The following GRM5 variants were observed in gnomAD, a reference collection of about 807,000 sequenced individuals.
GRM5 encodes the protein glutamate metabotropic receptor 5, also known as metabotropic glutamate receptor 5.
In GRM5, 19 loss-of-function variants were observed where a neutral mutation model predicts 83.1. The ratio of observed to expected loss-of-function variants is 0.23; its 90% CI spans 0.16 to 0.34. The LOEUF is 0.34. GRM5 is among the 10% of genes least tolerant of loss of function. GRM5 has a pLI of 1.00. For missense variants in GRM5, 1,160 were observed against 1,588.3 expected (o/e 0.73, Z 4.58); for synonymous variants, 675 against 633.6 (o/e 1.07, Z -0.98).
intron 8 of GRM5, among the ~76,000 whole-genome samples, chr11:88,543,707 C>T (rs1289189737): frequency 3.4e-5 from 5 of 147,842 alleles, no homozygotes; most frequent in African/African-American, 1.3e-4. Flanking sequence ...CACAAAGGAT[C>T]GAGTTATCTA....
chr11:88,859,431 C>T (rs180934979), intron 2 of GRM5, among the ~76,000 whole-genome samples: 1,785 of 152,080 alleles, frequency 0.012, 67 homozygotes, highest in Admixed American at 0.074. Flanking sequence ...TATCTAGATC[C>T]TGTAAAATTA....
At chr11:88,854,948 CTG>C (rs1484023499) in intron 2 of GRM5, among the ~76,000 whole-genome samples, 2 of 151,818 alleles carry the variant, frequency 1.3e-5, no homozygotes, top group Non-Finnish European at 2.9e-5. Flanking sequence ...TCATTAACAA[CTG>C]TGTTACATTG....
At chr11:88,612,176 T>C (rs1938338461) in intron 4 of GRM5, among the ~76,000 whole-genome samples, 1 of 142,018 alleles carries the variant, frequency 7.0e-6, no homozygotes, top group African/African-American at 2.6e-5. Context: ...GTCCATGTGA[T>C]CTCTTTGTTC....
At chr11:88,521,142 G>T (rs1051793494) in intron 9 of GRM5, among the ~76,000 whole-genome samples, 3 of 152,152 alleles carry the variant, frequency 2.0e-5, no homozygotes, top group Non-Finnish European at 4.4e-5. Flanking sequence ...TTCCAGCCAG[G>T]AGTGGTGGCT....
chr11:88,515,631 A>G (rs1941500238), intron 9 of GRM5, among the ~76,000 whole-genome samples: 1 of 152,170 alleles, frequency 6.6e-6, no homozygotes, highest in Non-Finnish European at 1.5e-5. Context: ...ATCTCACTAA[A>G]CTACTCTTCA....
At position 88,932,656 on chromosome 11, in the gene GRM5, G is replaced by C. The variant is rs556487221; in HGVS notation, c.662-82501C>G. Among the ~76,000 whole-genome samples, 53 of 152,030 alleles carry C rather than the reference G, an allele frequency of 3.5e-4. 1 individual carries two copies. The South Asian group carries it at 1.0e-2, about 29-fold the overall frequency. On this transcript the variant is annotated intron_variant, in intron 2 of 9. Coordinates refer to ENST00000305447, the MANE Select transcript of GRM5 (RefSeq NM_001143831.3). ...CTATATATGTAACAACTTATTAAGA[G>C]TTGTCATATTTAGGACATGATATTT...
intron 3 of GRM5, among the ~76,000 whole-genome samples, chr11:88,724,449 T>C (rs796639764): frequency 2.0e-5 from 3 of 152,268 alleles, no homozygotes; most frequent in African/African-American, 7.2e-5. Context: ...GTTCTTAACT[T>C]GATATTTATC....
At position 88,507,512 on chromosome 11, in the gene GRM5, C is replaced by T. The variant is rs531167160; in HGVS notation, c.*1080G>A. 6.6e-6 allele frequency: 1 copy of T among 152,328 alleles called. No individual in the cohort carries two copies. Among genetic ancestry groups the T allele is most frequent in the Admixed American group, 6.5e-5 (1 of 15,298 alleles). The allele number at this position is 152,328 out of a possible 1,614,324, so 9.4% of individuals were successfully genotyped here. ...ACAGTCTCTCAAATCATGACAATGT[C>T]TTCATGGGGTCTATGGACCACTCTT... On this transcript the variant is annotated 3_prime_UTR_variant, in exon 10 of 10. Coordinates refer to ENST00000305447, the MANE Select transcript of GRM5 (RefSeq NM_001143831.3).
At position 88,535,953 on chromosome 11, in the gene GRM5, T is replaced by C. The variant is rs376385465; in HGVS notation, c.2631-10549A>G. Among the ~76,000 whole-genome samples the C allele has an allele frequency of 8.8e-4, 134 of 152,324 alleles. 1 individual carries two copies. The Middle Eastern group carries it at 0.024, about 27-fold the overall frequency. On this transcript the variant is annotated intron_variant, in intron 8 of 9. Transcript: ENST00000305447. ...AAGGAGCAAAAAAGAGAGAGATCGA[T>C]TGGGTAAAACAAAGTATTATTTTCT...
intron 3 of GRM5, among the ~76,000 whole-genome samples, chr11:88,686,762 T>C (rs536338789): frequency 6.6e-6 from 1 of 152,294 alleles, no homozygotes; most frequent in East Asian, 1.9e-4. Context: ...GTGGCTGCCA[T>C]GTAAGAAGTG....
intron 8 of GRM5, among the ~76,000 whole-genome samples, chr11:88,550,658 T>TG (rs138403328): frequency 4.0e-5 from 6 of 151,520 alleles, no homozygotes; most frequent in Non-Finnish European, 5.9e-5. Flanking sequence ...GATAAGGGAG[T>TG]GGGGGGGATA....
At chr11:88,837,347 GTC>G (rs1417012909) in intron 3 of GRM5, among the ~76,000 whole-genome samples, 4 of 152,086 alleles carry the variant, frequency 2.6e-5, no homozygotes, top group African/African-American at 9.7e-5. Flanking sequence ...CAAATTAGTT[GTC>G]TCTCTGTGTC....
chr11:88,605,445 G>T lies in GRM5; in HGVS notation c.1148-481C>A, dbSNP rs147159697. On this transcript the variant is annotated intron_variant, in intron 4 of 9. Coordinates refer to ENST00000305447, the MANE Select transcript of GRM5 (RefSeq NM_001143831.3). ...CCTATTTAGATTTATCACCCAGTAC[G>T]TCTAATCTCAAAGCATATGCTCTCT... Among the ~76,000 whole-genome samples the T allele has an allele frequency of 1.2e-3, 175 of 150,728 alleles. 1 individual carries two copies. The Middle Eastern group carries it at 0.014, about 12-fold the overall frequency.
intron 2 of GRM5, among the ~76,000 whole-genome samples, chr11:88,851,727 A>G (rs979242995): frequency 1.3e-5 from 2 of 152,168 alleles, no homozygotes; most frequent in African/African-American, 4.8e-5. Flanking sequence ...ATTTTGGTGA[A>G]GTTTTATCTC....
chr11:88,840,490 C>A (rs76636022), intron 3 of GRM5, among the ~76,000 whole-genome samples: 1,890 of 151,902 alleles, frequency 0.012, 42 homozygotes, highest in African/African-American at 0.043. Flanking sequence ...TTTTTTTTCC[C>A]ATACCCATGA....
intron 2 of GRM5, among the ~76,000 whole-genome samples, chr11:88,920,907 G>A (rs1039544906): frequency 7.9e-5 from 12 of 152,102 alleles, no homozygotes; most frequent in African/African-American, 2.9e-4. Context: ...CAGGAAAAGT[G>A]CTACATAAGT....
rs373941697 is a variant in GRM5, at chr11:88,996,678, T to C, written c.661+50534A>G. Among the ~76,000 whole-genome samples the C allele has an allele frequency of 4.0e-4, 61 of 152,328 alleles. No individual in the cohort carries two copies. In the South Asian group the frequency reaches 0.012, roughly 31 times the overall value. ...TCTAGTAAAACATCTAATTGGCATT[T>C]ATAGAACATTCCATCCAAGAGAAGA... On this transcript the variant is annotated intron_variant, in intron 2 of 9. Coordinates refer to ENST00000305447, the MANE Select transcript of GRM5 (RefSeq NM_001143831.3).
intron 2 of GRM5, among the ~76,000 whole-genome samples, chr11:88,976,576 T>G (rs867771270): frequency 6.6e-6 from 1 of 152,156 alleles, no homozygotes. Context: ...ATAATTGCTG[T>G]TATTATGTAA....
At chr11:88,861,071 A>G (rs2135550950) in intron 2 of GRM5, among the ~76,000 whole-genome samples, 1 of 152,186 alleles carries the variant, frequency 6.6e-6, no homozygotes, top group East Asian at 1.9e-4. Context: ...ATTAAATTTA[A>G]TATCATTTAT....
Sources: allele counts gnomAD v4.1 joint callset (sites outside exome capture counted in the v4.1 genomes callset), GRCh38; gene constraint gnomAD v4.1.1; transcripts MANE v1.5; gene names NCBI Gene and HGNC (gene_info 2026-07-23, HGNC 2026-07-21).